MAPK10: variants seen among roughly 807,000 people sequenced by gnomAD.
MAPK10 encodes the protein mitogen-activated protein kinase 10.
In MAPK10, 25 loss-of-function variants were observed where a neutral mutation model predicts 59.3. That is an observed-to-expected ratio of 0.42 (90% CI 0.31 to 0.59). MAPK10 has a LOEUF of 0.59. Among genes scored for constraint, MAPK10 ranks in the 20% least tolerant of loss-of-function variants. The probability of loss-of-function intolerance (pLI) is 0.15; values close to 1 mark genes in which losing one functional copy is unlikely to be tolerated. For synonymous variants in MAPK10, 190 were observed against 200.5 expected, an observed-to-expected ratio of 0.95 and a Z score of 0.44; for missense variants, 351 against 568.9, an observed-to-expected ratio of 0.62 and a Z score of 3.90.
intron 9 of MAPK10, among the ~76,000 whole-genome samples, chr4:86,069,936 A>T (rs1000382779): frequency 2.6e-5 from 4 of 152,198 alleles, no homozygotes; most frequent in Non-Finnish European, 4.4e-5. Flanking sequence ...CTTTTATATT[A>T]AAGTTTAAGG....
intron 1 of MAPK10, among the ~76,000 whole-genome samples, chr4:86,484,522 A>C (rs1753844401): frequency 6.6e-6 from 1 of 152,162 alleles, no homozygotes; most frequent in Non-Finnish European, 1.5e-5. Context: ...ACTCTGTGCA[A>C]GTTGTAATCA....
chr4:86,564,806 T>G (rs1230182844), intron 1 of MAPK10, among the ~76,000 whole-genome samples: 5 of 152,098 alleles, frequency 3.3e-5, no homozygotes, highest in African/African-American at 9.7e-5. Context: ...GGGGAGGAAT[T>G]CTTCAAGTGT....
At chr4:86,144,989 C>CAA (rs11447293) in intron 4 of MAPK10, among the ~76,000 whole-genome samples, 8 of 151,154 alleles carry the variant, frequency 5.3e-5, no homozygotes, top group Non-Finnish European at 7.4e-5. Flanking sequence ...ATATGTTTAC[C>CAA]AAAAAAAACC....
intron 1 of MAPK10, among the ~76,000 whole-genome samples, chr4:86,402,150 T>C (rs1032671240): frequency 1.3e-5 from 2 of 151,916 alleles, no homozygotes; most frequent in South Asian, 2.1e-4. Flanking sequence ...ACAATCTAAG[T>C]CTAGAGCTGC....
At chr4:86,461,501 C>T (rs1324158982) in intron 1 of MAPK10, among the ~76,000 whole-genome samples, 1 of 152,126 alleles carries the variant, frequency 6.6e-6, no homozygotes, top group Non-Finnish European at 1.5e-5. Flanking sequence ...GATCACTTCA[C>T]CTGAGTATCT....
At position 86,011,045 on chromosome 4, in the gene MAPK10, G is replaced by A. The variant is rs577695398; in HGVS notation, c.*6183C>T. ...CACCAGGATAGGAATGTCTTTAAAAGTAAGAAATATTTGACATAAGGTAGA... is the reference window on the plus strand; with the variant it reads ...CACCAGGATAGGAATGTCTTTAAAAATAAGAAATATTTGACATAAGGTAGA... On this transcript the variant is annotated 3_prime_UTR_variant, in exon 14 of 14. Coordinates refer to ENST00000641462, the MANE Select transcript of MAPK10 (RefSeq NM_138982.4). 2.0e-5 allele frequency: 3 copies of A among 152,344 alleles called. No homozygotes were observed. The highest frequency in any genetic ancestry group is 4.1e-4 in the South Asian group (2 of 4,832). 9.4% of individuals were successfully genotyped at this position (152,344 alleles called of 1,614,324 possible).
intron 1 of MAPK10, among the ~76,000 whole-genome samples, chr4:86,507,858 A>T (rs1755920035): frequency 6.6e-6 from 1 of 150,552 alleles, no homozygotes; most frequent in African/African-American, 2.4e-5. Flanking sequence ...GATAACAAGA[A>T]CTATCACCAA....
intron 3 of MAPK10, among the ~76,000 whole-genome samples, chr4:86,187,056 G>A (rs2078413035): frequency 6.6e-6 from 1 of 152,020 alleles, no homozygotes; most frequent in Admixed American, 6.6e-5. Flanking sequence ...TATTATTATA[G>A]TGGGTTTAGA....
At chr4:86,355,292 T>G (rs1034517027) in intron 1 of MAPK10, among the ~76,000 whole-genome samples, 2 of 152,058 alleles carry the variant, frequency 1.3e-5, no homozygotes, top group South Asian at 4.1e-4. Context: ...ATACCCAAAA[T>G]AGGCCTCCTC....
At chr4:86,044,237 G>A (rs2148946560) in intron 11 of MAPK10, among the ~76,000 whole-genome samples, 1 of 152,268 alleles carries the variant, frequency 6.6e-6, no homozygotes, top group Middle Eastern at 3.4e-3. Flanking sequence ...TGCTTTGTGT[G>A]CATATTTATC....
chr4:86,209,590 T>A (rs980902023), intron 2 of MAPK10, among the ~76,000 whole-genome samples: 4 of 151,950 alleles, frequency 2.6e-5, no homozygotes, highest in Non-Finnish European at 5.9e-5. Flanking sequence ...TAGATTCAAA[T>A]TTTCAGTTTT....
At chr4:86,463,853 T>C (rs1751962982) in intron 1 of MAPK10, among the ~76,000 whole-genome samples, 1 of 152,166 alleles carries the variant, frequency 6.6e-6, no homozygotes, top group Admixed American at 6.5e-5. Context: ...AGCAAGTCCA[T>C]AAAGCTCAAA....
chr4:86,588,348 A>G (rs72665764), intron 1 of MAPK10, among the ~76,000 whole-genome samples: 33,864 of 152,164 alleles, frequency 0.22, 4,527 homozygotes, highest in Admixed American at 0.3. Flanking sequence ...CAAAAGTAAC[A>G]TATGGTTGTA....
chr4:86,297,201 T>C (rs767397211), intron 2 of MAPK10, among the ~76,000 whole-genome samples: 31 of 152,346 alleles, frequency 2.0e-4, no homozygotes, highest in Non-Finnish European at 3.8e-4. Context: ...GTTGTTAATT[T>C]GAATTTTATT....
intron 2 of MAPK10, among the ~76,000 whole-genome samples, chr4:86,299,024 C>G (rs11725624): frequency 0.26 from 39,847 of 151,922 alleles, 5,485 homozygotes; most frequent in South Asian, 0.43. Flanking sequence ...ACCTGAAGGG[C>G]CTGCCTATTA....
chr4:86,387,982 A>G (rs1411975979), intron 1 of MAPK10, among the ~76,000 whole-genome samples: 5 of 148,920 alleles, frequency 3.4e-5, no homozygotes, highest in African/African-American at 1.2e-4. Flanking sequence ...AATAATATAT[A>G]ATATTTATAA....
intron 11 of MAPK10, among the ~76,000 whole-genome samples, chr4:86,034,361 A>G (rs183405105): frequency 7.2e-5 from 11 of 152,306 alleles, no homozygotes; most frequent in Admixed American, 7.2e-4. Flanking sequence ...TGGATTAGAC[A>G]CATTTTTATT....
At chr4:86,558,011 C>T (rs944334430) in intron 1 of MAPK10, among the ~76,000 whole-genome samples, 1 of 151,776 alleles carries the variant, frequency 6.6e-6, no homozygotes, top group African/African-American at 2.4e-5. Context: ...TTTATGTACC[C>T]CCAAGAAGCA....
At chr4:86,073,430 T>C (rs1360836920) in intron 9 of MAPK10, among the ~76,000 whole-genome samples, 4 of 148,388 alleles carry the variant, frequency 2.7e-5, no homozygotes, top group Non-Finnish European at 6.1e-5. Flanking sequence ...TCTTGCCTTC[T>C]GCTAGCTTTT....
Sources: allele counts gnomAD v4.1 joint callset (sites outside exome capture counted in the v4.1 genomes callset), GRCh38; gene constraint gnomAD v4.1.1; transcripts MANE v1.5; gene names NCBI Gene and HGNC (gene_info 2026-07-23, HGNC 2026-07-21).